The following ROBO2 variants were observed in gnomAD, a reference collection of about 807,000 sequenced individuals.
ROBO2 encodes roundabout guidance receptor 2.
ROBO2 carries 53 observed loss-of-function variants against 160.8 expected under a neutral mutation model. The ratio of observed to expected loss-of-function variants is 0.33; its 90% CI spans 0.26 to 0.41. ROBO2 has a LOEUF of 0.41. Ranked by LOEUF, ROBO2 falls within the 10% of genes least tolerant of loss-of-function variation. The pLI, the probability that ROBO2 is intolerant of heterozygous loss-of-function variation, is 1.00. For synonymous variants in ROBO2, 664 were observed against 611.7 expected, an observed-to-expected ratio of 1.09 and a Z score of -1.26; for missense variants, 1,577 against 1,722.4, an observed-to-expected ratio of 0.92 and a Z score of 1.49.
In ROBO2 at chr3:77,026,926, T is replaced by C. The variant is rs925096831; in HGVS notation, c.110-71088T>C. On this transcript the variant is annotated intron_variant, in intron 2 of 26. Coordinates refer to the ROBO2 transcript ENST00000487694. ...GACATTTTGACTAAGATAATATATTTCAGTGTTTTTCTTTGGTATAAAAAG... is the reference window on the plus strand; with the variant it reads ...GACATTTTGACTAAGATAATATATTCCAGTGTTTTTCTTTGGTATAAAAAG... Among the ~76,000 whole-genome samples, 12 of 152,296 alleles carry C rather than the reference T, an allele frequency of 7.9e-5. No individual in the cohort carries two copies. The East Asian group carries it at 2.3e-3, about 29-fold the overall frequency.
chr3:76,272,980 T>TTTATATATAA (rs1559706804), intron 2 of ROBO2, among the ~76,000 whole-genome samples: 1 of 66,178 alleles, frequency 1.5e-5, no homozygotes, highest in African/African-American at 7.0e-5. Flanking sequence ...AAAATATATA[T>TTTATATATAA]AATATATAAT....
intron 2 of ROBO2, among the ~76,000 whole-genome samples, chr3:76,013,085 C>T (rs2066253797): frequency 7.0e-6 from 1 of 142,586 alleles, no homozygotes; most frequent in Non-Finnish European, 1.5e-5. Flanking sequence ...TGCATAAAGG[C>T]AATTGGAGGC....
intron 2 of ROBO2, among the ~76,000 whole-genome samples, chr3:76,666,165 A>G (rs2092039118): frequency 6.6e-6 from 1 of 151,426 alleles, no homozygotes; most frequent in Admixed American, 6.6e-5. Context: ...ATGAATAACT[A>G]TTACGATTGT....
chr3:76,779,788 C>G (rs1351818874), intron 2 of ROBO2, among the ~76,000 whole-genome samples: 2 of 150,910 alleles, frequency 1.3e-5, no homozygotes, highest in Non-Finnish European at 3.0e-5. Context: ...TTTTCTTTAT[C>G]TCTTCATCTA....
rs200624688 is a variant in ROBO2, at chr3:77,276,220, A to AC, written c.388+177880_388+177881insC. On this transcript the variant is annotated intron_variant, in intron 2 of 25. Coordinates refer to ENST00000461745, the Ensembl canonical transcript of ROBO2. ...ATAAGTTGTAAAAACAAACAAACAA[A>AC]AAAAAAAAACAAAAGAAAAAATGTC... Among the ~76,000 whole-genome samples the AC allele has an allele frequency of 3.1e-3, 402 of 128,222 alleles. 4 individuals are homozygous for AC. The highest frequency in any genetic ancestry group is 3.6e-3 in the Middle Eastern group (1 of 274). 84.1% of individuals were successfully genotyped at this position (128,222 alleles called of 152,430 possible). A position where few individuals can be genotyped will look rare whatever the true frequency, so the allele number is the denominator to read the frequency against.
intron 2 of ROBO2, among the ~76,000 whole-genome samples, chr3:77,298,179 A>G (rs1309952653): frequency 6.6e-6 from 1 of 152,190 alleles, no homozygotes; most frequent in Non-Finnish European, 1.5e-5. Context: ...TCTCAGCATG[A>G]ATTGAATAAT....
At chr3:77,596,930 G>A in intron 19 of ROBO2, among the ~76,000 whole-genome samples, 180 bp downstream of exon 20, 1 of 151,726 alleles carries the variant, frequency 6.6e-6, no homozygotes, top group Non-Finnish European at 1.5e-5. Flanking sequence ...TAAAACGATT[G>A]TATCTTCATT....
intron 2 of ROBO2, among the ~76,000 whole-genome samples, chr3:75,948,935 G>A (rs1849433): frequency 0.99 from 150,399 of 152,178 alleles, 74,351 homozygotes; most frequent in East Asian, 1. Flanking sequence ...ATTTCCATAC[G>A]GTATTTATAG....
intron 2 of ROBO2, among the ~76,000 whole-genome samples, chr3:76,678,073 C>T (rs1455048091): frequency 2.8e-5 from 4 of 145,262 alleles, no homozygotes; most frequent in East Asian, 2.1e-4. Flanking sequence ...CAGGTTCAAG[C>T]GATTCTCCTG....
intron 2 of ROBO2, among the ~76,000 whole-genome samples, chr3:76,080,270 C>T (rs763913611): frequency 3.9e-5 from 6 of 152,156 alleles, no homozygotes; most frequent in Non-Finnish European, 8.8e-5. Context: ...CTATTTTTGG[C>T]TTCAGCGCTT....
At chr3:77,608,101 A>C (rs905359039) in intron 21 of ROBO2, 147 bp downstream of exon 22, 371 of 741,870 alleles carry the variant, frequency 5.0e-4, no homozygotes, top group Admixed American at 5.1e-4. Flanking sequence ...CATTGTTTGC[A>C]CTGTCTATAT....
At chr3:76,513,656 A>G (rs2081211563) in intron 2 of ROBO2, among the ~76,000 whole-genome samples, 1 of 152,220 alleles carries the variant, frequency 6.6e-6, no homozygotes, top group African/African-American at 2.4e-5. Flanking sequence ...TTGCTTCATT[A>G]TTTAATTTTG....
At chr3:77,338,698 T>C (rs963867939) in intron 2 of ROBO2, among the ~76,000 whole-genome samples, 1 of 152,172 alleles carries the variant, frequency 6.6e-6, no homozygotes, top group Admixed American at 6.6e-5. Context: ...GTATCTGCCA[T>C]CACAAATATT....
intron 2 of ROBO2, among the ~76,000 whole-genome samples, chr3:77,008,677 A>G (rs1315526084): frequency 6.6e-6 from 1 of 152,154 alleles, no homozygotes; most frequent in Non-Finnish European, 1.5e-5. Flanking sequence ...CTGAAAACGC[A>G]CCTGAAAGAT....
At chr3:76,486,166 A>G (rs1348293926) in intron 2 of ROBO2, among the ~76,000 whole-genome samples, 1 of 152,144 alleles carries the variant, frequency 6.6e-6, no homozygotes, top group East Asian at 1.9e-4. Flanking sequence ...GTGAACTCCA[A>G]AGTGTGACAT....
intron 2 of ROBO2, among the ~76,000 whole-genome samples, chr3:76,422,970 G>A (rs986331073): frequency 2.6e-5 from 4 of 152,062 alleles, no homozygotes; most frequent in African/African-American, 9.7e-5. Flanking sequence ...GGATAAACTC[G>A]GTAGGATACC....
Position 77,061,631 on chromosome 3 carries a change from T to C in ROBO2, c.61+20785T>C, listed in dbSNP as rs536868388. ...TTCAGGAATGGCTTTCAGAAGATTG[T>C]TTTTAGTTTTTTTGAGCTTTTTCTG... is the stretch of plus-strand genomic sequence containing the variant. On this transcript the variant is annotated intron_variant, in intron 1 of 25. Coordinates refer to ENST00000461745, the Ensembl canonical transcript of ROBO2. 7.2e-5 allele frequency among the ~76,000 whole-genome samples: 11 copies of C among 152,226 alleles called. No homozygotes were observed. The South Asian group carries it at 2.3e-3, about 32-fold the overall frequency.
intron 2 of ROBO2, among the ~76,000 whole-genome samples, chr3:76,394,610 C>T (rs1042884331): frequency 3.9e-5 from 6 of 151,984 alleles, no homozygotes; most frequent in African/African-American, 1.4e-4. Context: ...TGGAGTTGCT[C>T]TTCTCGAGGA....
intron 2 of ROBO2, among the ~76,000 whole-genome samples, chr3:76,378,839 C>A (rs933148222): frequency 6.6e-6 from 1 of 152,150 alleles, no homozygotes; most frequent in African/African-American, 2.4e-5. Flanking sequence ...TTGCTTGACA[C>A]GTTTAGGAAC....
Sources: allele counts gnomAD v4.1 joint callset (sites outside exome capture counted in the v4.1 genomes callset), GRCh38; gene constraint gnomAD v4.1.1; transcripts MANE v1.5; gene names NCBI Gene and HGNC (gene_info 2026-07-23, HGNC 2026-07-21).